Variants in KLRG1 observed in about 807,000 individuals in gnomAD.
KLRG1 encodes the protein killer cell lectin like receptor G1.
A neutral mutation model predicts 21.8 loss-of-function variants in KLRG1; 16 were observed. The ratio of observed to expected loss-of-function variants is 0.73; its 90% CI spans 0.50 to 1.11. The LOEUF is 1.11. Ranked by LOEUF, KLRG1 falls within the 50% of genes most tolerant of loss-of-function variation. KLRG1 has a pLI of 0.00. For missense variants in KLRG1, 173 were observed against 218.3 expected (o/e 0.79, Z 1.31); for synonymous variants, 69 against 75.9 (o/e 0.91, Z 0.47).
At chr12:9,060,181 T>TTTTGTTTG in the KLRG1 span, among the ~76,000 whole-genome samples, 2 of 150,598 alleles carry the variant, frequency 1.3e-5, no homozygotes, top group South Asian at 2.1e-4. Flanking sequence ...ATTTTTTGTA[T>TTTTGTTTG]TTTGTTTGTT....
the KLRG1 span, chr12:9,194,205 G>A: frequency 6.2e-7 from 1 of 1,613,832 alleles, no homozygotes; most frequent in Non-Finnish European, 8.5e-7. Context: ...AGTTTATTGG[G>A]GATGGGCACA....
At chr12:9,088,271 A>T in the KLRG1 span, among the ~76,000 whole-genome samples, 1 of 151,702 alleles carries the variant, frequency 6.6e-6, no homozygotes, top group Non-Finnish European at 1.5e-5. Flanking sequence ...TTTTTTAAAG[A>T]AGAATATATT....
chr12:9,186,965 G>A, the KLRG1 span, among the ~76,000 whole-genome samples: 21 of 149,994 alleles, frequency 1.4e-4, no homozygotes, highest in Non-Finnish European at 1.9e-4. Context: ...AAACCTGCAC[G>A]TTCTGCCCAT....
the KLRG1 span, among the ~76,000 whole-genome samples, chr12:9,197,930 A>C: frequency 1.5e-5 from 2 of 130,566 alleles, no homozygotes; most frequent in Non-Finnish European, 3.1e-5. Flanking sequence ...TATATAAGTT[A>C]TCTATATATT....
chr12:9,116,159 A>G, the KLRG1 span: 1 of 359,428 alleles, frequency 2.8e-6, no homozygotes, highest in African/African-American at 2.1e-5. Flanking sequence ...AAGCTTTTCA[A>G]CCTCTTCTCT....
chr12:9,157,091 C>T, the KLRG1 span: 2 of 1,364,164 alleles, frequency 1.5e-6, no homozygotes, highest in Non-Finnish European at 2.0e-6. Flanking sequence ...CTCCGCACCT[C>T]CCAGACAGGC....
the KLRG1 span, chr12:9,115,052 T>C: frequency 6.6e-6 from 1 of 152,240 alleles, no homozygotes; most frequent in Non-Finnish European, 1.5e-5. Context: ...TGTGTAGCTA[T>C]AAGTGCTAAG....
At chr12:9,077,287 G>C in the KLRG1 span, 1 of 1,452,524 alleles carries the variant, frequency 6.9e-7, no homozygotes, top group Admixed American at 1.8e-5. Context: ...CAGACAGCAG[G>C]TCAGCAGTTT....
the KLRG1 span, among the ~76,000 whole-genome samples, chr12:9,086,312 G>T: frequency 6.6e-6 from 1 of 152,138 alleles, no homozygotes; most frequent in African/African-American, 2.4e-5. Context: ...AGGATTGCTT[G>T]AACTCAGGAG....
At chr12:9,194,573 T>C in the KLRG1 span, among the ~76,000 whole-genome samples, 1 of 149,554 alleles carries the variant, frequency 6.7e-6, no homozygotes, top group Non-Finnish European at 1.5e-5. Flanking sequence ...CACGCCATTC[T>C]CCTGCCTCAG....
At chr12:9,173,769 C>T in the KLRG1 span, among the ~76,000 whole-genome samples, 1 of 152,146 alleles carries the variant, frequency 6.6e-6, no homozygotes, top group Non-Finnish European at 1.5e-5. Flanking sequence ...CCTCCCAAGA[C>T]TGAACCAGGA....
At chr12:9,026,686 T>G in the KLRG1 span, among the ~76,000 whole-genome samples, 1 of 152,012 alleles carries the variant, frequency 6.6e-6, no homozygotes, top group South Asian at 2.1e-4. Flanking sequence ...TCTTTTTTTC[T>G]TTTTTTGTCT....
the KLRG1 span, chr12:9,202,650 A>T: frequency 6.2e-7 from 1 of 1,614,106 alleles, no homozygotes; most frequent in Non-Finnish European, 8.5e-7. Flanking sequence ...GATGCTAAGG[A>T]ATGCCACCTC....
chr12:9,050,958 CAG>C, the KLRG1 span, among the ~76,000 whole-genome samples: 1 of 152,308 alleles, frequency 6.6e-6, no homozygotes, highest in East Asian at 1.9e-4. Context: ...TGGCAGGAGG[CAG>C]AGTCCTGGGA....
At chr12:9,028,146 CTTCTT>C in the KLRG1 span, 36 of 503,392 alleles carry the variant, frequency 7.2e-5, no homozygotes, top group Non-Finnish European at 9.5e-5. Context: ...TCGTCGTCTT[CTTCTT>C]TTTTTTTTTT....
chr12:9,072,109 T>C, the KLRG1 span, among the ~76,000 whole-genome samples: 4 of 152,212 alleles, frequency 2.6e-5, no homozygotes, highest in African/African-American at 9.6e-5. Context: ...TCAGAGGCAA[T>C]GGGTAATATT....
upstream of KLRG1, chr12:8,988,353 CTGAAAATAGCTGCCTTGTGTGTCT>C (rs1202889509): frequency 6.6e-6 from 1 of 152,186 alleles, no homozygotes; most frequent in African/African-American, 2.4e-5. Context: ...CTGTGTGTTC[CTGAAAATAGCTGCCTTGTGTGTCT>C]TGCCATGTGT....
upstream of KLRG1, among the ~76,000 whole-genome samples, chr12:8,985,872 G>A (rs1442610528): frequency 6.6e-6 from 1 of 152,066 alleles, no homozygotes; most frequent in Non-Finnish European, 1.5e-5. Flanking sequence ...CCCTCCCCTT[G>A]TCACCCCAGT....
chr12:8,984,481 T>G (rs1365194311), intron 1 of KLRG1, among the ~76,000 whole-genome samples: 1 of 152,184 alleles, frequency 6.6e-6, no homozygotes, highest in African/African-American at 2.4e-5. Context: ...CTTGAACTCC[T>G]GACCTCAAAT....
Sources: allele counts gnomAD v4.1 joint callset (sites outside exome capture counted in the v4.1 genomes callset), GRCh38; gene constraint gnomAD v4.1.1; transcripts MANE v1.5; gene names NCBI Gene and HGNC (gene_info 2026-07-23, HGNC 2026-07-21).